The following MALRD1 variants were observed in gnomAD, a reference collection of about 807,000 sequenced individuals.
MALRD1 encodes MAM and LDL-receptor class A domain-containing protein 1.
In MALRD1, 247 loss-of-function variants were observed where a neutral mutation model predicts 242.1. The ratio of observed to expected loss-of-function variants is 1.02; its 90% CI spans 0.92 to 1.13. MALRD1 has a LOEUF of 1.13. Among genes scored for constraint, MALRD1 ranks in the 50% most tolerant of loss-of-function variants. The probability of loss-of-function intolerance (pLI) is 0.00; values close to 1 mark genes in which losing one functional copy is unlikely to be tolerated. For missense variants in MALRD1, 2,989 were observed against 2,533.1 expected (o/e 1.18, Z -3.86); for synonymous variants, 995 against 866.6 (o/e 1.15, Z -2.60).
At chr10:19,666,235 C>T (rs1021425880) in intron 36 of MALRD1, among the ~76,000 whole-genome samples, 1 of 152,202 alleles carries the variant, frequency 6.6e-6, no homozygotes, top group Non-Finnish European at 1.5e-5. Flanking sequence ...ACCTAACCAT[C>T]CATGAGTTTA....
chr10:19,355,858 T>TATATATATATATATATATA (rs57813656), intron 26 of MALRD1, among the ~76,000 whole-genome samples: 4,110 of 94,256 alleles, frequency 0.044, 337 homozygotes, highest in Non-Finnish European at 0.053. Context: ...TATATATATA[T>TATATATATATATATATATA]TATATATGAT....
intron 10 of MALRD1, among the ~76,000 whole-genome samples, chr10:19,139,967 A>G (rs989272370): frequency 7.2e-5 from 11 of 152,206 alleles, no homozygotes; most frequent in Non-Finnish European, 1.0e-4. Context: ...ACTAAAGGCA[A>G]ACAAGTCAGA....
intron 2 of MALRD1, among the ~76,000 whole-genome samples, chr10:19,075,348 AG>A (rs1344394469): frequency 6.6e-6 from 1 of 152,058 alleles, no homozygotes; most frequent in Admixed American, 6.6e-5. Flanking sequence ...CAAAATCGCA[AG>A]ATTATCTTGG....
chr10:19,339,441 A>G (rs1364014680), intron 24 of MALRD1, among the ~76,000 whole-genome samples: 3 of 152,144 alleles, frequency 2.0e-5, no homozygotes, highest in Non-Finnish European at 4.4e-5. Flanking sequence ...TAATATAGTT[A>G]TATACATATT....
intron 38 of MALRD1, among the ~76,000 whole-genome samples, chr10:19,717,153 T>C (rs1469037348): frequency 6.6e-6 from 1 of 152,216 alleles, no homozygotes; most frequent in Non-Finnish European, 1.5e-5. Flanking sequence ...TTTCTGTCAG[T>C]AATTCTTTCA....
At chr10:19,267,206 C>T (rs1189048360) in intron 19 of MALRD1, among the ~76,000 whole-genome samples, 1 of 151,788 alleles carries the variant, frequency 6.6e-6, no homozygotes, top group Non-Finnish European at 1.5e-5. Flanking sequence ...TCAGCATGCA[C>T]ATTAGAATTG....
intron 25 of MALRD1, among the ~76,000 whole-genome samples, chr10:19,350,496 C>T (rs893583012): frequency 5.3e-5 from 8 of 151,826 alleles, no homozygotes; most frequent in East Asian, 3.9e-4. Context: ...AGGCTGGTCT[C>T]GAACTCCTGA....
rs1834996212 is a variant in MALRD1, at chr10:19,066,858, T to C, written c.339T>C (p.Ser113=). Reference sequence around the variant, plus strand: ...TTTATGATCACAATGGTGATGTGTCTGGTAAATGCTTTAAATTTATTTTCT... The same window carrying C: ...TTTATGATCACAATGGTGATGTGTCCGGTAAATGCTTTAAATTTATTTTCT... ...PPFYDHNGDV[S]AHFLSLVSRV... The change falls in exon 2 of 40, where the codon TCT becomes TCC. Residue 113 remains serine (S), a splice_region_variant and synonymous_variant. Coordinates refer to ENST00000454679, the MANE Select transcript of MALRD1 (RefSeq NM_001142308.3). 2 of 1,233,482 alleles carry C rather than the reference T, an allele frequency of 1.6e-6. No individual in the cohort carries two copies. The highest frequency in any genetic ancestry group is 1.6e-5 in the African/African-American group (1 of 64,484). 76.4% of individuals were successfully genotyped at this position (1,233,482 alleles called of 1,614,324 possible).
intron 26 of MALRD1, among the ~76,000 whole-genome samples, chr10:19,372,120 C>G (rs1845405896): frequency 6.6e-6 from 1 of 151,948 alleles, no homozygotes; most frequent in Non-Finnish European, 1.5e-5. Context: ...TAATTAAATT[C>G]AAGACAAATA....
intron 28 of MALRD1, among the ~76,000 whole-genome samples, chr10:19,420,582 G>C (rs1833685514): frequency 6.6e-6 from 1 of 151,668 alleles, no homozygotes; most frequent in Admixed American, 6.6e-5. Flanking sequence ...TCATGCTCTG[G>C]GTAACAAGCC....
chr10:19,257,790 AT>A lies in MALRD1; in HGVS notation c.3079+22del. 1 of 1,419,476 alleles carries A rather than the reference AT, an allele frequency of 7.0e-7. No homozygotes were observed. Among genetic ancestry groups the A allele is most frequent in the Non-Finnish European group, 9.4e-7 (1 of 1,060,720 alleles). The allele number at this position is 1,419,476 out of a possible 1,614,324, so 87.9% of individuals were successfully genotyped here. On this transcript the variant is annotated intron_variant, in intron 19 of 39. Coordinates refer to ENST00000454679, the MANE Select transcript of MALRD1 (RefSeq NM_001142308.3). ...TACCCTGGTAAGAGAGAACATTTCAATTTGGGGTTATTTCTAAATCTGTTTA... is the reference window on the plus strand; with the variant it reads ...TACCCTGGTAAGAGAGAACATTTCAATTGGGGTTATTTCTAAATCTGTTTA...
At chr10:19,552,206 G>A (rs1402883620) in intron 32 of MALRD1, among the ~76,000 whole-genome samples, 2 of 152,038 alleles carry the variant, frequency 1.3e-5, no homozygotes, top group East Asian at 1.9e-4. Context: ...ATTCAGCTGT[G>A]AATTAATCTG....
In MALRD1 at chr10:19,531,355, C is replaced by T. The variant is rs190177599; in HGVS notation, c.5478+4C>T. ...CAGGAGTATGGGAATATTAAAGGTA[C>T]AAAAGGAAGCCAGAGATTTATGATC... On this transcript the variant is annotated splice_donor_region_variant and intron_variant, in intron 32 of 39. Transcript: ENST00000454679. 1.0e-4 allele frequency: 159 copies of T among 1,520,182 alleles called. No homozygotes were observed. The African/African-American group carries it at 1.9e-3, about 18-fold the overall frequency. 94.2% of individuals were successfully genotyped at this position (1,520,182 alleles called of 1,614,324 possible). A position where few individuals can be genotyped will look rare whatever the true frequency, so the allele number is the denominator to read the frequency against.
chr10:19,705,681 C>T (rs375025590), intron 38 of MALRD1, among the ~76,000 whole-genome samples: 17 of 151,674 alleles, frequency 1.1e-4, no homozygotes, highest in African/African-American at 3.4e-4. Context: ...ATTCCTCCTG[C>T]GCCACCTATT....
At chr10:19,075,801 T>A (rs566107433) in intron 2 of MALRD1, among the ~76,000 whole-genome samples, 1 of 152,056 alleles carries the variant, frequency 6.6e-6, no homozygotes, top group African/African-American at 2.4e-5. Flanking sequence ...AGATAATACA[T>A]TTGTGTTGTT....
intron 35 of MALRD1, among the ~76,000 whole-genome samples, chr10:19,609,923 A>G (rs1487796654): frequency 6.6e-6 from 1 of 151,946 alleles, no homozygotes; most frequent in African/African-American, 2.4e-5. Flanking sequence ...TAAATATAAT[A>G]CTATACATAA....
At chr10:19,170,352 T>C (rs1246599955) in intron 13 of MALRD1, among the ~76,000 whole-genome samples, 1 of 152,178 alleles carries the variant, frequency 6.6e-6, no homozygotes, top group Non-Finnish European at 1.5e-5. Context: ...TTTTTCTGAG[T>C]AGTCCATTGA....
intron 20 of MALRD1, among the ~76,000 whole-genome samples, chr10:19,282,804 T>G (rs1840881548): frequency 8.4e-6 from 1 of 119,098 alleles, no homozygotes; most frequent in Non-Finnish European, 1.9e-5. Context: ...TATGTATTTT[T>G]TCCTATATTT....
chr10:19,430,420 C>T (rs368714344), intron 28 of MALRD1, among the ~76,000 whole-genome samples: 32 of 151,802 alleles, frequency 2.1e-4, no homozygotes, highest in African/African-American at 7.5e-4. Context: ...CCGGCCTCCT[C>T]ATTTTCTTTA....
Sources: allele counts gnomAD v4.1 joint callset (sites outside exome capture counted in the v4.1 genomes callset), GRCh38; gene constraint gnomAD v4.1.1; transcripts MANE v1.5; gene names NCBI Gene and HGNC (gene_info 2026-07-23, HGNC 2026-07-21).